Variants in ARID1B observed in about 807,000 individuals in gnomAD.
ARID1B encodes AT-rich interactive domain-containing protein 1B.
A neutral mutation model predicts 212.3 loss-of-function variants in ARID1B; 30 were observed. The observed-to-expected ratio is 0.14, with a 90% CI of 0.11 to 0.19. ARID1B has a LOEUF of 0.19. ARID1B is among the 10% of genes least tolerant of loss of function. The pLI is 1.00. For missense variants in ARID1B, 2,891 were observed against 3,204.0 expected (o/e 0.90, Z 2.36); for synonymous variants, 1,402 against 1,301.7 (o/e 1.08, Z -1.66).
At chr6:157,188,099 A>T (rs571149209) in intron 13 of ARID1B, among the ~76,000 whole-genome samples, 1 of 152,274 alleles carries the variant, frequency 6.6e-6, no homozygotes, top group Admixed American at 6.5e-5. Context: ...CTTTTAAAAT[A>T]CCTACAATAA....
rs117555293 is a variant in ARID1B at position 156,961,253 on chromosome 6, C to T, written c.2247+25677C>T. On this transcript the variant is annotated intron_variant, in intron 4 of 19. Coordinates refer to ENST00000636930, the MANE Select transcript of ARID1B (RefSeq NM_001374828.1). ...TGGAAACCAATCCTGCAACACTGTACGTTTAGTCAGCTTTCTCTGTCAGAT... is the reference window on the plus strand; with the variant it reads ...TGGAAACCAATCCTGCAACACTGTATGTTTAGTCAGCTTTCTCTGTCAGAT... 1.7e-3 allele frequency among the ~76,000 whole-genome samples: 253 copies of T among 152,334 alleles called. 1 individual carries two copies. Among genetic ancestry groups the T allele is most frequent in the East Asian group, 4.4e-3 (23 of 5,186 alleles).
intron 4 of ARID1B, among the ~76,000 whole-genome samples, chr6:157,059,412 T>C (rs796081945): frequency 2.8e-4 from 42 of 152,222 alleles, no homozygotes; most frequent in African/African-American, 9.6e-4. Context: ...AAATCTTCAT[T>C]ACATAGTGAA....
Position 156,779,464 on chromosome 6 carries a change from G to A in ARID1B, c.1784G>A (p.Arg595Lys), listed in dbSNP as rs2115006595. ...GGCACCCCCGGACCGACCATGGGCA[G>A]ATCCCAGGTAACCCTCGCGCCAGCC... ...SPGTPGPTMG[R>K]SQGSPMDPMV... Residue 595 changes from arginine (R) to lysine (K), a missense_variant, in exon 1 of 20, where the codon AGA becomes AAA. By Grantham distance (26) the Arg-to-Lys change is conservative. Transcript: ENST00000636930. The A allele has an allele frequency of 7.1e-7, 1 of 1,413,700 alleles. No homozygotes were observed. Among genetic ancestry groups the A allele is most frequent in the African/African-American group, 1.5e-5 (1 of 67,030 alleles). The allele number at this position is 1,413,700 out of a possible 1,614,324, so 87.6% of individuals were successfully genotyped here.
At chr6:156,977,727 T>C (rs1385036516) in intron 4 of ARID1B, among the ~76,000 whole-genome samples, 1 of 152,202 alleles carries the variant, frequency 6.6e-6, no homozygotes, top group Non-Finnish European at 1.5e-5. Flanking sequence ...TTTCTGGTAA[T>C]TTTTATTGTG....
intron 5 of ARID1B, among the ~76,000 whole-genome samples, chr6:157,103,233 G>A (rs1284391041): frequency 6.6e-6 from 1 of 151,550 alleles, no homozygotes; most frequent in Admixed American, 6.6e-5. Context: ...TTGGTTCCTG[G>A]AATCATTAGC....
Position 157,210,412 on chromosome 6 carries a change from T to C in ARID1B, c.*2521T>C. 1 of 231,160 alleles carries C rather than the reference T, an allele frequency of 4.3e-6. No homozygotes were observed. Among genetic ancestry groups the C allele is most frequent in the Non-Finnish European group, 8.6e-6 (1 of 116,772 alleles). The allele number at this position is 231,160 out of a possible 1,614,324, so 14.3% of individuals were successfully genotyped here. A position where few individuals can be genotyped will look rare whatever the true frequency, so the allele number is the denominator to read the frequency against. ...AAGAGTAAAATAATTAACAAAAGAC[T>C]GTTGTTATGGTTTGCATTGTAACCG... On this transcript the variant is annotated 3_prime_UTR_variant, in exon 20 of 20. Transcript: ENST00000636930.
At chr6:157,176,615 G>A (rs1792120237) in intron 11 of ARID1B, among the ~76,000 whole-genome samples, 1 of 152,182 alleles carries the variant, frequency 6.6e-6, no homozygotes, top group Admixed American at 6.5e-5. Flanking sequence ...GGAGGACGAG[G>A]CGAGTGGATC....
chr6:156,863,432 CA>C (rs1785472077), intron 2 of ARID1B, among the ~76,000 whole-genome samples: 1 of 151,930 alleles, frequency 6.6e-6, no homozygotes, highest in African/African-American at 2.4e-5. Context: ...ATCTCTCAGC[CA>C]AGAGCCTGAG....
intron 1 of ARID1B, among the ~76,000 whole-genome samples, chr6:156,785,270 A>G (rs977376964): frequency 2.0e-5 from 3 of 152,226 alleles, no homozygotes; most frequent in Non-Finnish European, 4.4e-5. Context: ...TCTTATTTCC[A>G]TTATTAAAAT....
chr6:156,872,272 C>T (rs897541410), intron 2 of ARID1B, among the ~76,000 whole-genome samples: 7 of 152,132 alleles, frequency 4.6e-5, no homozygotes, highest in African/African-American at 1.7e-4. Flanking sequence ...TCTCCTTCCT[C>T]CATTTCATCT....
At chr6:156,905,250 G>GCGCACGCGCACACACACA (rs1554265935) in intron 3 of ARID1B, among the ~76,000 whole-genome samples, 1 of 143,730 alleles carries the variant, frequency 7.0e-6, no homozygotes, top group Non-Finnish European at 1.5e-5. Context: ...ACATATGCAC[G>GCGCACGCGCACACACACA]CACACACACA....
chr6:156,891,933 G>A (rs1399866850), intron 2 of ARID1B, among the ~76,000 whole-genome samples: 2 of 148,266 alleles, frequency 1.3e-5, no homozygotes, highest in East Asian at 2.0e-4. Context: ...GTACAATGGC[G>A]CAATTTCGGC....
In ARID1B at chr6:157,049,866, C is replaced by G. The variant is rs542644083; in HGVS notation, c.2248-34796C>G. Among the ~76,000 whole-genome samples, 4 of 152,252 alleles carry G rather than the reference C, an allele frequency of 2.6e-5. 1 individual carries two copies. Among genetic ancestry groups the G allele is most frequent in the African/African-American group, 9.6e-5 (4 of 41,568 alleles). The stretch of plus-strand genomic sequence containing the variant: ...TCACATTGTATTCCTATTTTTGTCT[C>G]ATTTAAGTTTTAATCTCCTCATAAA... On this transcript the variant is annotated intron_variant, in intron 4 of 19. Coordinates refer to ENST00000636930, the MANE Select transcript of ARID1B (RefSeq NM_001374828.1).
intron 1 of ARID1B, among the ~76,000 whole-genome samples, chr6:156,797,817 G>A (rs975821203): frequency 2.6e-5 from 4 of 152,234 alleles, no homozygotes; most frequent in South Asian, 2.1e-4. Context: ...ACTGCCCTGC[G>A]GAGCACGTGC....
At chr6:157,035,656 T>C (rs1401314188) in intron 4 of ARID1B, among the ~76,000 whole-genome samples, 1 of 152,244 alleles carries the variant, frequency 6.6e-6, no homozygotes, top group African/African-American at 2.4e-5. Flanking sequence ...CCTAAAATCA[T>C]ATTTGGTATC....
At chr6:157,125,492 G>A (rs1788073510) in intron 6 of ARID1B, among the ~76,000 whole-genome samples, 1 of 152,140 alleles carries the variant, frequency 6.6e-6, no homozygotes. Flanking sequence ...CCATGCCTTG[G>A]GACATCCACT....
intron 4 of ARID1B, among the ~76,000 whole-genome samples, chr6:157,070,479 A>G (rs183554762): frequency 2.3e-4 from 35 of 152,300 alleles, no homozygotes; most frequent in Admixed American, 1.3e-3. Context: ...AATTACAGTA[A>G]TGATCACACA....
At position 156,955,918 on chromosome 6, in the gene ARID1B, G is replaced by A. The variant is rs988370851; in HGVS notation, c.2247+20342G>A. On this transcript the variant is annotated intron_variant, in intron 4 of 19. Coordinates refer to ENST00000636930, the MANE Select transcript of ARID1B (RefSeq NM_001374828.1). The surrounding 1 kb of genome is among the most constrained non-coding windows in gnomAD (Gnocchi z 4.2). ...GGAGGCCGCTGGTGGTGGAAGCCGC[G>A]CCTGTTCTATTTCCTCACCTTCCTG... 3.3e-5 allele frequency among the ~76,000 whole-genome samples: 5 copies of A among 152,266 alleles called. No individual in the cohort carries two copies. Among genetic ancestry groups the A allele is most frequent in the Admixed American group, 6.5e-5 (1 of 15,292 alleles).
At chr6:157,042,185 A>G (rs550075196) in intron 4 of ARID1B, among the ~76,000 whole-genome samples, 6 of 152,258 alleles carry the variant, frequency 3.9e-5, no homozygotes, top group Non-Finnish European at 8.8e-5. Context: ...ATGAATATGC[A>G]TAAAGCCATG....
Sources: gnomAD v4.1 joint callset for allele counts (sites outside exome capture counted in the v4.1 genomes callset) on GRCh38, gnomAD v4.1.1 for gene constraint, Gnocchi (gnomAD v3.1) non-coding constraint, MANE v1.5 for transcripts, NCBI Gene and HGNC (gene_info 2026-07-23, HGNC 2026-07-21) for gene names.